DCAF13: variants seen among roughly 807,000 people sequenced by gnomAD.
DCAF13 encodes the protein DDB1 and CUL4 associated factor 13.
A neutral mutation model predicts 59.0 loss-of-function variants in DCAF13; 38 were observed. The observed-to-expected ratio is 0.64, with a 90% CI of 0.50 to 0.84. The LOEUF (loss-of-function observed/expected upper bound fraction) is 0.84. Among genes scored for constraint, DCAF13 ranks in the 40% least tolerant of loss-of-function variants. The pLI is 0.00. For synonymous variants in DCAF13, 173 were observed against 175.0 expected, an observed-to-expected ratio of 0.99 and a Z score of 0.09; for missense variants, 469 against 558.4, an observed-to-expected ratio of 0.84 and a Z score of 1.61.
chr8:103,425,973 G>T, intron 3 of DCAF13, 83 bp from the exon 4 acceptor site: 1 of 904,868 alleles, frequency 1.1e-6, no homozygotes, highest in Non-Finnish European at 1.9e-6. Context: ...TTTTAAACAA[G>T]ATACTTATTT....
intron 8 of DCAF13, among the ~76,000 whole-genome samples, chr8:103,437,096 G>T (rs762764765): frequency 6.6e-6 from 1 of 152,166 alleles, no homozygotes; most frequent in Non-Finnish European, 1.5e-5. Flanking sequence ...CATCATTTCT[G>T]TTGTAGAGCT....
intron 1 of DCAF13, among the ~76,000 whole-genome samples, chr8:103,419,000 C>G (rs1346003874): frequency 1.4e-5 from 2 of 148,026 alleles, no homozygotes; most frequent in Non-Finnish European, 3.0e-5. Context: ...TCTTTTGCCT[C>G]AGCCTCCTGA....
intron 1 of DCAF13, among the ~76,000 whole-genome samples, chr8:103,418,871 T>A (rs1324562938): frequency 1.0e-3 from 28 of 27,804 alleles, no homozygotes; most frequent in South Asian, 8.1e-3. Flanking sequence ...TATATATTTT[T>A]TTTTTTTTTT....
chr8:103,430,647 T>TGAGGC lies in DCAF13; in HGVS notation c.660_661insGAGGC (p.Ile221GlufsTer3). 6.2e-7 allele frequency: 1 copy of TGAGGC among 1,611,742 alleles called. No homozygotes were observed. Among genetic ancestry groups the TGAGGC allele is most frequent in the Non-Finnish European group, 8.5e-7 (1 of 1,178,912 alleles). On this transcript the variant is annotated frameshift_variant, in exon 6 of 11. Transcript: ENST00000612750. LOFTEE classifies it high-confidence loss of function. ...TGGGAAGTTGTGCATCTGACAGGAA[T>TGAGGC]ATAGTACTGTACGATATGAGGCAAG... is the stretch of plus-strand genomic sequence containing the variant.
intron 4 of DCAF13, among the ~76,000 whole-genome samples, 162 bp downstream of exon 4, chr8:103,426,307 A>C (rs182820472): frequency 6.6e-6 from 1 of 152,170 alleles, no homozygotes; most frequent in East Asian, 1.9e-4. Flanking sequence ...ATGCAGCTAA[A>C]GTCCTTTGAT....
chr8:103,441,746 G>T, intron 10 of DCAF13, 128 bp downstream of exon 10: 5 of 864,804 alleles, frequency 5.8e-6, no homozygotes, highest in East Asian at 3.0e-5. Context: ...TTAGTGATGT[G>T]TTTGAAGACT....
chr8:103,425,951 G>A, intron 3 of DCAF13, 105 bp from the exon 4 acceptor site: 1 of 757,404 alleles, frequency 1.3e-6, no homozygotes, highest in Non-Finnish European at 2.4e-6. Context: ...GAATGATATG[G>A]TATGTTACCT....
At chr8:103,423,457 C>G (rs1468718662) in intron 3 of DCAF13, among the ~76,000 whole-genome samples, 10 of 152,040 alleles carry the variant, frequency 6.6e-5, no homozygotes, top group Non-Finnish European at 2.9e-5. Flanking sequence ...AAGACAGATA[C>G]CACATGATCT....
Position 103,430,646 on chromosome 8 carries a change from ATATAG to A in DCAF13, c.662_666del (p.Ile221ThrfsTer37). On this transcript the variant is annotated frameshift_variant, in exon 6 of 11. Coordinates refer to ENST00000612750, the MANE Select transcript of DCAF13 (RefSeq NM_015420.7). LOFTEE classifies it high-confidence loss of function. Reference sequence around the variant, plus strand: ...TTGGGAAGTTGTGCATCTGACAGGAATATAGTACTGTACGATATGAGGCAAGCTAC... The same window carrying A: ...TTGGGAAGTTGTGCATCTGACAGGAATACTGTACGATATGAGGCAAGCTAC... The A allele has an allele frequency of 6.2e-7, 1 of 1,611,846 alleles. No homozygotes were observed. Among genetic ancestry groups the A allele is most frequent in the South Asian group, 1.1e-5 (1 of 90,658 alleles).
chr8:103,432,569 C>T, intron 6 of DCAF13, 90 bp from the exon 7 acceptor site: 1 of 740,390 alleles, frequency 1.4e-6, no homozygotes, highest in Non-Finnish European at 2.3e-6. Context: ...GTACTTTACA[C>T]ATAATAGGTG....
chr8:103,423,261 A>G (rs148135701), intron 3 of DCAF13, among the ~76,000 whole-genome samples: 190 of 152,260 alleles, frequency 1.2e-3, no homozygotes, highest in Non-Finnish European at 2.1e-3. Context: ...GCTCATTTGC[A>G]GCATTATTCA....
In DCAF13 at chr8:103,442,849, G is replaced by C; in HGVS notation, c.1305G>C (p.Glu435Asp). ...CTGGATCTGTGCCACTTGTGTCAGA[G>C]AAGAAGAAACACGTAGTGGCAGTTG... ...SKPGSVPLVS[E>D]KKKHVVAVVK The change falls in exon 11 of 11, where the codon GAG becomes GAC. Residue 435 changes from glutamate to aspartate, a missense_variant. By Grantham distance (45) the Glu-to-Asp change is conservative. Transcript: ENST00000612750. The C allele has an allele frequency of 6.2e-7, 1 of 1,608,574 alleles. No individual in the cohort carries two copies.
In DCAF13 at chr8:103,415,463, T is replaced by G; in HGVS notation, c.17T>G (p.Leu6Arg). Reference sequence around the variant, plus strand: ...GCAACCGAGATGAAGGTGAAGATGCTGAGCCGGAATCCGGACAATTATGTC... The same window carrying G: ...GCAACCGAGATGAAGGTGAAGATGCGGAGCCGGAATCCGGACAATTATGTC... MKVKM[L>R]SRNPDNYVRE... The change falls in exon 1 of 11, where the codon CTG (leucine) becomes CGG (arginine). Residue 6 changes from leucine (L) to arginine (R), a missense_variant. Transcript: ENST00000612750. The G allele has an allele frequency of 1.2e-6, 2 of 1,613,896 alleles. No individual in the cohort carries two copies. Among genetic ancestry groups the G allele is most frequent in the Non-Finnish European group, 1.7e-6 (2 of 1,179,850 alleles).
At chr8:103,441,924 C>G (rs559765214) in intron 10 of DCAF13, 4 of 239,926 alleles carry the variant, frequency 1.7e-5, no homozygotes, top group Non-Finnish European at 2.4e-5. Flanking sequence ...CGCCACCATG[C>G]GCGGCTAATT....
rs1308177043 is a variant in DCAF13, at chr8:103,432,729, A to G, written c.773A>G (p.Asn258Ser). ...GAAGCTTTCATTTTTACAGCAGCAA[A>G]TGAAGATTATAAGTAAGTTTCCCTC... ...PMEAFIFTAA[N>S]EDYNLYTFDM... Residue 258 changes from asparagine to serine, a missense_variant, in exon 7 of 11, where the codon AAT becomes AGT. This residue lies in a region of DCAF13 where 355 missense variants were observed against 399.1 expected (regional missense o/e 0.89). Coordinates refer to ENST00000612750, the MANE Select transcript of DCAF13 (RefSeq NM_015420.7). 3.1e-5 allele frequency: 50 copies of G among 1,594,568 alleles called. No homozygotes were observed. Among genetic ancestry groups the G allele is most frequent in the Non-Finnish European group, 4.2e-5 (49 of 1,164,062 alleles).
intron 5 of DCAF13, chr8:103,429,448 C>G (rs181708537): frequency 6.6e-6 from 1 of 152,086 alleles, no homozygotes; most frequent in Non-Finnish European, 1.5e-5. Flanking sequence ...CACATACTTG[C>G]AATAGGAAGT....
At chr8:103,427,273 T>C in intron 5 of DCAF13, 21 bp downstream of exon 5, 1 of 1,587,108 alleles carries the variant, frequency 6.3e-7, no homozygotes, top group South Asian at 1.1e-5. Context: ...TTTTTAAGTA[T>C]GTTTTACTTA....
intron 10 of DCAF13, chr8:103,442,570 T>G (rs1472071973): frequency 3.0e-6 from 1 of 330,206 alleles, no homozygotes; most frequent in Non-Finnish European, 5.5e-6. Flanking sequence ...CTGTGGAAGG[T>G]TTTTAAACTT....
rs554801772 is a variant in DCAF13, at chr8:103,441,179, G to A, written c.1087-276G>A. On this transcript the variant is annotated intron_variant, in intron 9 of 10. Transcript: ENST00000612750. Reference sequence around the variant, plus strand: ...TCTATGTTATTGATGCCTAGGGAAGGTCCAACTCAGTGATCCACGTGGCCC... The same window carrying A: ...TCTATGTTATTGATGCCTAGGGAAGATCCAACTCAGTGATCCACGTGGCCC... 62 of 289,830 alleles carry A rather than the reference G, an allele frequency of 2.1e-4. 1 individual carries two copies. The South Asian group carries it at 3.8e-3, about 18-fold the overall frequency. The allele number at this position is 289,830 out of a possible 1,614,324, so 18.0% of individuals were successfully genotyped here. A position where few individuals can be genotyped will look rare whatever the true frequency, so the allele number is the denominator to read the frequency against.
Sources: gnomAD v4.1 joint callset for allele counts (sites outside exome capture counted in the v4.1 genomes callset) on GRCh38, gnomAD v4.1.1 for gene constraint, gnomAD v4.1.1 regional missense constraint, MANE v1.5 for transcripts, NCBI Gene and HGNC (gene_info 2026-07-23, HGNC 2026-07-21) for gene names.